SMPDL3B: variants seen among roughly 807,000 people sequenced by gnomAD.
SMPDL3B encodes sphingomyelin phosphodiesterase acid like 3B, also known as acid sphingomyelinase-like phosphodiesterase 3b.
Under a neutral mutation model 37.9 loss-of-function variants are expected in SMPDL3B, and 31 were observed. The ratio of observed to expected loss-of-function variants is 0.82; its 90% CI spans 0.61 to 1.10. The LOEUF (loss-of-function observed/expected upper bound fraction) is 1.10. SMPDL3B is among the 50% of genes least tolerant of loss of function. The pLI is 0.00. For synonymous variants in SMPDL3B, 235 were observed against 242.6 expected (o/e 0.97, Z 0.29); for missense variants, 525 against 597.8 (o/e 0.88, Z 1.27).
chr1:27,955,414 G>T (rs1213246627), intron 5 of SMPDL3B, among the ~76,000 whole-genome samples: 1 of 152,230 alleles, frequency 6.6e-6, no homozygotes, highest in Non-Finnish European at 1.5e-5. Flanking sequence ...AGCTTCATGG[G>T]GGAGGTGCTC....
chr1:27,946,353 C>CAA (rs369329982), intron 2 of SMPDL3B, among the ~76,000 whole-genome samples: 90 of 134,700 alleles, frequency 6.7e-4, no homozygotes, highest in Non-Finnish European at 1.9e-4. Flanking sequence ...GACTCTGTCT[C>CAA]AAAAAAAAAA....
chr1:27,956,527 C>T, intron 7 of SMPDL3B: 9 of 1,078,096 alleles, frequency 8.3e-6, no homozygotes, highest in Non-Finnish European at 1.0e-5. Context: ...TCCACATTTT[C>T]CGTACACAGA....
chr1:27,940,965 GCTCA>G (rs986670574), intron 1 of SMPDL3B, among the ~76,000 whole-genome samples: 14 of 152,060 alleles, frequency 9.2e-5, no homozygotes, highest in African/African-American at 3.4e-4. Context: ...CTTATTTGAT[GCTCA>G]CTGAGAGGCA....
At chr1:27,949,230 C>T (rs866451474) in intron 3 of SMPDL3B, 68 bp downstream of exon 3, 1 of 1,508,394 alleles carries the variant, frequency 6.6e-7, no homozygotes, top group Non-Finnish European at 9.2e-7. Flanking sequence ...CACAGTGGGA[C>T]AACAGCAGCA....
intron 1 of SMPDL3B, among the ~76,000 whole-genome samples, chr1:27,944,913 C>T (rs1174703049): frequency 1.3e-5 from 2 of 152,078 alleles, no homozygotes; most frequent in Admixed American, 6.5e-5. Context: ...TACCCTCTCC[C>T]GCCTTTGCTT....
chr1:27,952,556 T>A (rs1002390305), intron 3 of SMPDL3B, among the ~76,000 whole-genome samples: 5 of 152,070 alleles, frequency 3.3e-5, no homozygotes, highest in African/African-American at 1.2e-4. Flanking sequence ...GTCTAATGGG[T>A]TCCCCTACAC....
At chr1:27,955,559 T>C in intron 5 of SMPDL3B, 125 bp from the exon 6 acceptor site, 1 of 908,898 alleles carries the variant, frequency 1.1e-6, no homozygotes, top group Non-Finnish European at 1.7e-6. Flanking sequence ...CCGGGAGGCC[T>C]TCAGGGAGGA....
chr1:27,945,958 C>T lies in SMPDL3B; in HGVS notation c.275+513C>T, dbSNP rs1261634060. Reference sequence around the variant, plus strand: ...CTCTACAGAGTGACAGCTTGAGGGCCGATCCCACTCAGCCGCAGAGACCCA... The same window carrying T: ...CTCTACAGAGTGACAGCTTGAGGGCTGATCCCACTCAGCCGCAGAGACCCA... On this transcript the variant is annotated intron_variant, in intron 2 of 7. Transcript: ENST00000373894. This position sits in a 1 kb window ranked among gnomAD's most constrained non-coding sequence, Gnocchi z 4.0. Among the ~76,000 whole-genome samples, 6 of 152,114 alleles carry T rather than the reference C, an allele frequency of 3.9e-5. No homozygotes were observed. Among genetic ancestry groups the T allele is most frequent in the Non-Finnish European group, 5.9e-5 (4 of 68,028 alleles).
chr1:27,943,994 C>T (rs960636667), intron 1 of SMPDL3B, among the ~76,000 whole-genome samples: 4 of 127,828 alleles, frequency 3.1e-5, no homozygotes, highest in Non-Finnish European at 6.3e-5. Context: ...AGCTTGGGCA[C>T]AGAGCGAAAC....
intron 1 of SMPDL3B, chr1:27,942,298 C>G (rs1416594453): frequency 4.5e-6 from 2 of 445,768 alleles, no homozygotes; most frequent in Admixed American, 2.6e-5. Context: ...ACCATGTGCC[C>G]AAGAGAAAGG....
intron 2 of SMPDL3B, 34 bp from the exon 3 acceptor site, chr1:27,949,031 G>A (rs1329047143): frequency 6.2e-7 from 1 of 1,613,964 alleles, no homozygotes; most frequent in South Asian, 1.1e-5. Context: ...TTCCTGAGTT[G>A]CCTGCCCCAA....
At position 27,958,431 on chromosome 1, in the gene SMPDL3B, G is replaced by A; in HGVS notation, c.1006-45G>A. ...TGCAAGGTGCAGGATGGGGATGGAA[G>A]CAGACAACTGCTCACAGCCGGTCTA... On this transcript the variant is annotated intron_variant, in intron 7 of 7. Transcript: ENST00000373894. The surrounding 1 kb of genome is among the most constrained non-coding windows in gnomAD (Gnocchi z 5.6). The A allele has an allele frequency of 6.4e-7, 1 of 1,555,030 alleles. No homozygotes were observed. The highest frequency in any genetic ancestry group is 8.7e-7 in the Non-Finnish European group (1 of 1,145,800).
rs1571664997 is a variant in SMPDL3B at position 27,955,802 on chromosome 1, T to C, written c.809T>C (p.Ile270Thr). ...GTGGTCCGGAAGCATCATCGCGTCATAGCAGGGCAGTTCTTCGGGCACCAC... is the reference window on the plus strand; with the variant it reads ...GTGGTCCGGAAGCATCATCGCGTCACAGCAGGGCAGTTCTTCGGGCACCAC... ...LKVVRKHHRV[I>T]AGQFFGHHHT... is the part of the protein sequence containing the mutation. Residue 270 changes from isoleucine (I) to threonine (T), a missense_variant, in exon 6 of 8, where the codon ATA becomes ACA. Ile to Thr is a moderately conservative substitution (Grantham distance 89, BLOSUM62 -1). Transcript: ENST00000373894. The C allele has an allele frequency of 6.2e-6, 10 of 1,614,152 alleles. No homozygotes were observed. The highest frequency in any genetic ancestry group is 1.1e-5 in the South Asian group (1 of 91,084).
chr1:27,958,658 CT>C lies in SMPDL3B; in HGVS notation c.1189del (p.Ser397GlnfsTer48), dbSNP rs1369695180. 2 of 1,614,032 alleles carry C rather than the reference CT, an allele frequency of 1.2e-6. No individual in the cohort carries two copies. The highest frequency in any genetic ancestry group is 3.3e-4 in the Middle Eastern group (2 of 6,062). The stretch of plus-strand genomic sequence containing the variant: ...CACTGCAGCGCTACTACGTCTATAA[CT>C]CAGTCAGCTACTCTGCTGGGGTCTG... ...STLQRYYVYN[S>X]VSYSAGVCDE... is the part of the protein sequence containing the mutation. On this transcript the variant is annotated frameshift_variant, in exon 8 of 8. Coordinates refer to ENST00000373894, the MANE Select transcript of SMPDL3B (RefSeq NM_014474.4). LOFTEE classifies it low-confidence loss of function (END_TRUNC). The surrounding 1 kb of genome is among the most constrained non-coding windows in gnomAD (Gnocchi z 5.6).
At chr1:27,940,445 A>ACGTCCTGTT (rs56043553) in intron 1 of SMPDL3B, among the ~76,000 whole-genome samples, 1 of 152,040 alleles carries the variant, frequency 6.6e-6, no homozygotes, top group Non-Finnish European at 1.5e-5. Flanking sequence ...CCCATTTATG[A>ACGTCCTGTT]AATCATCTCA....
At chr1:27,940,116 G>A (rs902520667) in intron 1 of SMPDL3B, among the ~76,000 whole-genome samples, 2 of 152,176 alleles carry the variant, frequency 1.3e-5, no homozygotes, top group African/African-American at 4.8e-5. Flanking sequence ...GTTGTCCCTA[G>A]TGAGCATAAA....
In SMPDL3B at chr1:27,958,510, C is replaced by T; in HGVS notation, c.1040C>T (p.Ala347Val). The T allele has an allele frequency of 1.9e-6, 3 of 1,612,340 alleles. No individual in the cohort carries two copies. Among genetic ancestry groups the T allele is most frequent in the Non-Finnish European group, 2.5e-6 (3 of 1,178,768 alleles). ...MVTYFMNLSQ[A>V]NAQGTPRWEL... ...ACCTACTTCATGAACCTGAGCCAGG[C>T]GAATGCTCAGGGGACGCCGCGCTGG... Residue 347 changes from alanine to valine, a missense_variant, in exon 8 of 8, where the codon GCG becomes GTG. Physicochemically the swap from Ala to Val is moderately conservative, Grantham distance 64. Coordinates refer to ENST00000373894, the MANE Select transcript of SMPDL3B (RefSeq NM_014474.4). The surrounding 1 kb of genome is among the most constrained non-coding windows in gnomAD (Gnocchi z 5.6).
At chr1:27,949,019 G>A (rs772952719) in intron 2 of SMPDL3B, 46 bp from the exon 3 acceptor site, 95 of 1,613,548 alleles carry the variant, frequency 5.9e-5, no homozygotes, top group Non-Finnish European at 1.8e-5. Flanking sequence ...TTCTTCTGCT[G>A]CTTCCTGAGT....
chr1:27,939,531 C>G (rs532713000), intron 1 of SMPDL3B, among the ~76,000 whole-genome samples: 1 of 152,022 alleles, frequency 6.6e-6, no homozygotes, highest in Non-Finnish European at 1.5e-5. Flanking sequence ...GTGGCATATA[C>G]CTGCATTCCT....
Sources: allele counts gnomAD v4.1 joint callset (sites outside exome capture counted in the v4.1 genomes callset), GRCh38; gene constraint gnomAD v4.1.1; non-coding constraint Gnocchi (gnomAD v3.1); transcripts MANE v1.5; gene names NCBI Gene and HGNC (gene_info 2026-07-23, HGNC 2026-07-21).